Variants in NALF1 observed in about 807,000 individuals in gnomAD.
The protein encoded by NALF1 is NALCN channel auxiliary factor 1, also known as family with sequence similarity 155 member A.
In NALF1, 3 loss-of-function variants were observed where a neutral mutation model predicts 48.4. The ratio of observed to expected loss-of-function variants is 0.06; its 90% confidence interval spans 0.03 to 0.16. The LOEUF (loss-of-function observed/expected upper bound fraction) is 0.16. NALF1 is among the 10% of genes least tolerant of loss of function. The pLI, the probability that NALF1 is intolerant of heterozygous loss-of-function variation, is 1.00. For missense variants in NALF1, 526 were observed against 571.5 expected (o/e 0.92, Z 0.81); for synonymous variants, 262 against 245.7 (o/e 1.07, Z -0.62).
intron 1 of NALF1, among the ~76,000 whole-genome samples, chr13:107,494,259 T>C (rs1875248772): frequency 6.6e-6 from 1 of 152,158 alleles, no homozygotes; most frequent in East Asian, 1.9e-4. Context: ...ATTAATTCAA[T>C]AATTTGGGTA....
At chr13:107,227,517 A>G (rs1880130987) in intron 1 of NALF1, among the ~76,000 whole-genome samples, 1 of 152,268 alleles carries the variant, frequency 6.6e-6, no homozygotes, top group Non-Finnish European at 1.5e-5. Context: ...TGATAACTGC[A>G]TAAGGTTAAA....
intron 1 of NALF1, among the ~76,000 whole-genome samples, chr13:107,223,142 G>A (rs1341036917): frequency 6.6e-6 from 1 of 152,090 alleles, no homozygotes; most frequent in African/African-American, 2.4e-5. Context: ...CTTTGTTCTG[G>A]TTGGCATAGC....
At chr13:107,296,315 G>A (rs1881723863) in intron 1 of NALF1, among the ~76,000 whole-genome samples, 1 of 152,164 alleles carries the variant, frequency 6.6e-6, no homozygotes, top group Non-Finnish European at 1.5e-5. Flanking sequence ...ATAACTAGAA[G>A]AAGATACAGT....
At chr13:107,349,290 C>T (rs1259533230) in intron 1 of NALF1, among the ~76,000 whole-genome samples, 1 of 152,138 alleles carries the variant, frequency 6.6e-6, no homozygotes, top group Admixed American at 6.5e-5. Flanking sequence ...CTCTGAATGC[C>T]CAACTCATGG....
intron 1 of NALF1, among the ~76,000 whole-genome samples, chr13:107,288,780 G>A (rs984923075): frequency 1.3e-5 from 2 of 151,444 alleles, no homozygotes; most frequent in African/African-American, 2.4e-5. Flanking sequence ...TGATCCACTC[G>A]CCTCGGCCTC....
intron 1 of NALF1, among the ~76,000 whole-genome samples, chr13:107,551,417 C>T (rs1383476238): frequency 6.6e-6 from 1 of 151,984 alleles, no homozygotes; most frequent in South Asian, 2.1e-4. Flanking sequence ...CACAACAAAC[C>T]CTACCTCTTC....
chr13:107,843,664 C>T (rs1880098403), intron 1 of NALF1, among the ~76,000 whole-genome samples: 2 of 152,028 alleles, frequency 1.3e-5, no homozygotes, highest in African/African-American at 2.4e-5. Context: ...CTTTGTTTTC[C>T]AGCAGATACA....
intron 1 of NALF1, among the ~76,000 whole-genome samples, chr13:107,282,291 G>A (rs562967177): frequency 1.2e-4 from 19 of 152,296 alleles, no homozygotes; most frequent in Middle Eastern, 3.4e-3. Flanking sequence ...AGTGATAAGC[G>A]AATGCTTGCT....
chr13:107,789,375 T>G (rs540019052), intron 1 of NALF1, among the ~76,000 whole-genome samples: 21 of 152,338 alleles, frequency 1.4e-4, no homozygotes, highest in African/African-American at 4.8e-4. Flanking sequence ...CAGTTACAAA[T>G]GGGTATGAAT....
chr13:107,715,724 T>C (rs1399379901), intron 1 of NALF1, among the ~76,000 whole-genome samples: 1 of 152,230 alleles, frequency 6.6e-6, no homozygotes, highest in Non-Finnish European at 1.5e-5. Flanking sequence ...CACCACAGTG[T>C]GCCCTTCTGG....
At chr13:107,307,246 T>C (rs1881953971) in intron 1 of NALF1, among the ~76,000 whole-genome samples, 3 of 152,110 alleles carry the variant, frequency 2.0e-5, no homozygotes, top group Non-Finnish European at 4.4e-5. Context: ...CCTAGGGAGG[T>C]TGGAAATCCC....
chr13:107,655,442 T>C (rs77350680), intron 1 of NALF1, among the ~76,000 whole-genome samples: 36 of 151,994 alleles, frequency 2.4e-4, no homozygotes, highest in Admixed American at 9.2e-4. Context: ...CTTAGGAATA[T>C]ACCTAACCAA....
intron 1 of NALF1, among the ~76,000 whole-genome samples, chr13:107,530,877 C>T (rs913653673): frequency 2.0e-5 from 3 of 148,252 alleles, no homozygotes; most frequent in Non-Finnish European, 4.6e-5. Context: ...ATATGAAAAC[C>T]AGCAGGATTG....
chr13:107,576,499 C>A (rs956112589), intron 1 of NALF1, among the ~76,000 whole-genome samples: 1 of 152,164 alleles, frequency 6.6e-6, no homozygotes, highest in Admixed American at 6.5e-5. Flanking sequence ...ATCTTCTCAA[C>A]AAGGAGTCCA....
Position 107,714,405 on chromosome 13 carries a change from G to A in NALF1, c.915+151277C>T, listed in dbSNP as rs966589141. On this transcript the variant is annotated intron_variant, in intron 1 of 2. Coordinates refer to ENST00000375915, the MANE Select transcript of NALF1 (RefSeq NM_001080396.3). Reference sequence around the variant, plus strand: ...AACCAGGCCAGGCGCAGTGGCTCACGCCTATAATCCCAGTACTTTGGGAGG... The same window carrying A: ...AACCAGGCCAGGCGCAGTGGCTCACACCTATAATCCCAGTACTTTGGGAGG... Among the ~76,000 whole-genome samples the A allele has an allele frequency of 3.9e-5, 6 of 151,994 alleles. No homozygotes were observed. The South Asian group carries it at 8.3e-4, about 21-fold the overall frequency.
At chr13:107,628,236 T>A (rs9520526) in intron 1 of NALF1, among the ~76,000 whole-genome samples, 6 of 151,936 alleles carry the variant, frequency 3.9e-5, no homozygotes, top group Admixed American at 3.9e-4. Context: ...ACAGTCAAGA[T>A]GCATGATCTG....
At chr13:107,331,685 A>C (rs554449915) in intron 1 of NALF1, among the ~76,000 whole-genome samples, 1 of 152,300 alleles carries the variant, frequency 6.6e-6, no homozygotes, top group African/African-American at 2.4e-5. Context: ...CGAAATAACA[A>C]TAGGATTTAG....
chr13:107,470,666 A>G (rs1885085763), intron 1 of NALF1, among the ~76,000 whole-genome samples: 2 of 152,246 alleles, frequency 1.3e-5, no homozygotes, highest in Non-Finnish European at 2.9e-5. Context: ...TTAATGGCCA[A>G]TGCTTAAATG....
At chr13:107,352,883 C>A (rs190536617) in intron 1 of NALF1, among the ~76,000 whole-genome samples, 4 of 152,320 alleles carry the variant, frequency 2.6e-5, no homozygotes, top group African/African-American at 9.6e-5. Flanking sequence ...TGTCTTAAGA[C>A]TTCTTCCCTA....
Sources: allele counts gnomAD v4.1 joint callset (sites outside exome capture counted in the v4.1 genomes callset), GRCh38; gene constraint gnomAD v4.1.1; transcripts MANE v1.5; gene names NCBI Gene and HGNC (gene_info 2026-07-23, HGNC 2026-07-21).